CSMD2: variants seen among roughly 807,000 people sequenced by gnomAD.
CSMD2 encodes CUB and Sushi multiple domains 2.
A neutral mutation model predicts 398.5 loss-of-function variants in CSMD2; 130 were observed. The ratio of observed to expected loss-of-function variants is 0.33; its 90% CI spans 0.28 to 0.38. The LOEUF (loss-of-function observed/expected upper bound fraction) is 0.38. CSMD2 is among the 10% of genes least tolerant of loss of function. The probability of loss-of-function intolerance (pLI) is 1.00; values close to 1 mark genes in which losing one functional copy is unlikely to be tolerated. For missense variants in CSMD2, 3,829 were observed against 4,764.9 expected (o/e 0.80, Z 5.78); for synonymous variants, 1,828 against 1,908.5 (o/e 0.96, Z 1.10).
At chr1:33,858,790 AG>A (rs1433994831) in intron 5 of CSMD2, among the ~76,000 whole-genome samples, 2 of 152,194 alleles carry the variant, frequency 1.3e-5, no homozygotes, top group East Asian at 3.9e-4. Context: ...TGGCCATCAA[AG>A]CAGCAGCCAC....
At chr1:33,965,956 C>T (rs575759) in intron 3 of CSMD2, among the ~76,000 whole-genome samples, 17,168 of 152,108 alleles carry the variant, frequency 0.11, 1,576 homozygotes, top group East Asian at 0.34. Context: ...GATGCAGAGA[C>T]GGGAGAAACC....
At chr1:34,071,560 G>C (rs928729942) in intron 2 of CSMD2, among the ~76,000 whole-genome samples, 1 of 152,204 alleles carries the variant, frequency 6.6e-6, no homozygotes, top group Admixed American at 6.5e-5. Flanking sequence ...TGCAGAGGAG[G>C]CTTTCTGCCC....
At chr1:33,714,837 TG>T in intron 20 of CSMD2, 62 bp from the exon 21 acceptor site, 1 of 1,556,728 alleles carries the variant, frequency 6.4e-7, no homozygotes, top group East Asian at 2.3e-5. Flanking sequence ...AGCAAAAAGA[TG>T]GGAACGCACA....
intron 2 of CSMD2, among the ~76,000 whole-genome samples, chr1:34,084,157 C>T (rs74068013): frequency 0.011 from 1,662 of 152,230 alleles, 27 homozygotes; most frequent in African/African-American, 0.036. Flanking sequence ...GCCAGGAATG[C>T]TGTGCCGTGG....
intron 2 of CSMD2, among the ~76,000 whole-genome samples, chr1:34,087,989 C>T (rs867246661): frequency 2.6e-5 from 4 of 152,168 alleles, no homozygotes; most frequent in African/African-American, 7.2e-5. Context: ...GATGCCCCCC[C>T]GCCTCTGCTG....
chr1:33,578,888 G>A (rs763508212), intron 48 of CSMD2, among the ~76,000 whole-genome samples: 9 of 152,260 alleles, frequency 5.9e-5, no homozygotes, highest in East Asian at 1.9e-4. Flanking sequence ...CTTCCAAGCC[G>A]AATTTGTTTC....
At chr1:33,830,524 C>T (rs1659413565) in intron 6 of CSMD2, among the ~76,000 whole-genome samples, 1 of 152,132 alleles carries the variant, frequency 6.6e-6, no homozygotes, top group Admixed American at 6.5e-5. Flanking sequence ...TCACCATCAT[C>T]AAAGACCAAA....
intron 12 of CSMD2, among the ~76,000 whole-genome samples, chr1:33,777,298 A>C (rs1275838665): frequency 3.3e-5 from 5 of 152,094 alleles, no homozygotes; most frequent in African/African-American, 1.2e-4. Flanking sequence ...GGGTGGAAGG[A>C]AGAGGAAGAA....
At chr1:33,715,300 T>C (rs969944247) in intron 20 of CSMD2, among the ~76,000 whole-genome samples, 1 of 151,914 alleles carries the variant, frequency 6.6e-6, no homozygotes, top group African/African-American at 2.4e-5. Context: ...GTGAAGACAC[T>C]CCAAATGCCT....
chr1:34,029,137 C>T (rs938252437), intron 3 of CSMD2, among the ~76,000 whole-genome samples: 2 of 152,134 alleles, frequency 1.3e-5, no homozygotes, highest in Non-Finnish European at 2.9e-5. Context: ...TATAAGGAAA[C>T]CATCCTGACT....
chr1:33,836,305 G>A (rs1660257184), intron 6 of CSMD2, among the ~76,000 whole-genome samples: 1 of 152,190 alleles, frequency 6.6e-6, no homozygotes, highest in African/African-American at 2.4e-5. Context: ...GGCTACTCGG[G>A]GGTCAGGTTC....
intron 1 of CSMD2, among the ~76,000 whole-genome samples, chr1:34,138,865 TG>T (rs1369929403): frequency 3.9e-5 from 6 of 152,222 alleles, no homozygotes; most frequent in African/African-American, 9.7e-5. Context: ...TAACCTTGCA[TG>T]AATGCATAAA....
At chr1:33,872,494 C>T (rs926700775) in intron 5 of CSMD2, among the ~76,000 whole-genome samples, 2 of 152,088 alleles carry the variant, frequency 1.3e-5, no homozygotes, top group Admixed American at 6.5e-5. Context: ...GGGTAGGCCT[C>T]ATAGATCCTC....
At chr1:33,648,085 G>T (rs1384409876) in intron 28 of CSMD2, among the ~76,000 whole-genome samples, 2 of 152,138 alleles carry the variant, frequency 1.3e-5, no homozygotes, top group Non-Finnish European at 2.9e-5. Context: ...GCTTTTGGCC[G>T]GGCATGGTGG....
intron 28 of CSMD2, among the ~76,000 whole-genome samples, chr1:33,651,560 AGAG>A (rs1401941492): frequency 6.6e-6 from 1 of 152,030 alleles, no homozygotes; most frequent in Non-Finnish European, 1.5e-5. Flanking sequence ...TAGGGGAAGA[AGAG>A]GAGGTTTTGA....
In CSMD2 at chr1:33,894,516, G is replaced by A. The variant is rs529212202; in HGVS notation, c.920+23578C>T. On this transcript the variant is annotated intron_variant, in intron 5 of 70. Coordinates refer to ENST00000373381, the MANE Select transcript of CSMD2 (RefSeq NM_001281956.2). Reference sequence around the variant, plus strand: ...ACCTCAGCTCCCTCATTCCTTGGGTGGGATAATTCTAAGATCTGGGTTCTG... The same window carrying A: ...ACCTCAGCTCCCTCATTCCTTGGGTAGGATAATTCTAAGATCTGGGTTCTG... Among the ~76,000 whole-genome samples, 11 of 152,266 alleles carry A rather than the reference G, an allele frequency of 7.2e-5. No individual in the cohort carries two copies. In the South Asian group the frequency reaches 2.3e-3, roughly 32 times the overall value.
intron 3 of CSMD2, among the ~76,000 whole-genome samples, chr1:34,016,583 C>A (rs1480626298): frequency 6.6e-6 from 1 of 152,140 alleles, no homozygotes; most frequent in Non-Finnish European, 1.5e-5. Flanking sequence ...TTTGACCCAG[C>A]AATCCCATTA....
At chr1:33,576,459 C>T (rs1264239266) in intron 49 of CSMD2, among the ~76,000 whole-genome samples, 4 of 152,196 alleles carry the variant, frequency 2.6e-5, no homozygotes, top group South Asian at 4.2e-4. Context: ...GGCATGGTGG[C>T]GGGTGACTGT....
At chr1:33,617,413 G>T in intron 38 of CSMD2, 86 bp downstream of exon 38, 3 of 994,076 alleles carry the variant, frequency 3.0e-6, no homozygotes, top group South Asian at 1.3e-5. Flanking sequence ...CCTGTTCTTT[G>T]GTGACTGTAG....
Sources: allele counts gnomAD v4.1 joint callset (sites outside exome capture counted in the v4.1 genomes callset), GRCh38; gene constraint gnomAD v4.1.1; transcripts MANE v1.5; gene names NCBI Gene and HGNC (gene_info 2026-07-23, HGNC 2026-07-21).